Variants in PTPN13 observed in about 807,000 individuals in gnomAD.
PTPN13 encodes protein tyrosine phosphatase non-receptor type 13, also known as tyrosine-protein phosphatase non-receptor type 13.
A neutral mutation model predicts 284.0 loss-of-function variants in PTPN13; 191 were observed. That is an observed-to-expected ratio of 0.67 (90% CI 0.60 to 0.76). The LOEUF is 0.76. Ranked by LOEUF, PTPN13 falls within the 30% of genes least tolerant of loss-of-function variation. The probability of loss-of-function intolerance (pLI) is 0.00; values close to 1 mark genes in which losing one functional copy is unlikely to be tolerated. For synonymous variants in PTPN13, 986 were observed against 1,022.3 expected, an observed-to-expected ratio of 0.96 and a Z score of 0.68; for missense variants, 2,797 against 2,939.9, an observed-to-expected ratio of 0.95 and a Z score of 1.12.
Position 86,782,245 on chromosome 4 carries a change from A to G in PTPN13, c.6007A>G (p.Asn2003Asp). ...TTGCAGCCAGCCTGCCCTCACTCCT[A>G]ATGATTCATTCTCCACGGTAAGAAA... Reference protein sequence around the residue: ...GSCSQPALTPNDSFSTVAGEE... With the variant: ...GSCSQPALTPDDSFSTVAGEE... The change falls in exon 37 of 48, where the codon AAT (asparagine) becomes GAT (aspartate). Residue 2003 changes from asparagine to aspartate, a missense_variant. Asn to Asp is a conservative substitution (Grantham distance 23, BLOSUM62 1). Transcript: ENST00000411767. 6.2e-7 allele frequency: 1 copy of G among 1,607,588 alleles called. No individual in the cohort carries two copies. Among genetic ancestry groups the G allele is most frequent in the African/African-American group, 1.3e-5 (1 of 74,824 alleles).
chr4:86,620,372 C>T (rs1721077623), intron 1 of PTPN13, among the ~76,000 whole-genome samples: 2 of 152,092 alleles, frequency 1.3e-5, no homozygotes, highest in African/African-American at 2.4e-5. Context: ...ACCATGTTGT[C>T]CAGGCTGGAC....
rs543911826 is a variant in PTPN13 at position 86,786,101 on chromosome 4, C to T, written c.6345+165C>T. ...GTGTTACATTAAAGTGTCATCCTATCCTAGTGAAAGAATCATTACACAAAT... is the reference window on the plus strand; with the variant it reads ...GTGTTACATTAAAGTGTCATCCTATTCTAGTGAAAGAATCATTACACAAAT... On this transcript the variant is annotated intron_variant, in intron 40 of 47. Transcript: ENST00000411767. Among the ~76,000 whole-genome samples, 4 of 151,602 alleles carry T rather than the reference C, an allele frequency of 2.6e-5. No individual in the cohort carries two copies. The East Asian group carries it at 5.8e-4, about 22-fold the overall frequency.
At chr4:86,789,355 G>C (rs1458348510) in intron 40 of PTPN13, among the ~76,000 whole-genome samples, 2 of 152,164 alleles carry the variant, frequency 1.3e-5, no homozygotes, top group Admixed American at 6.5e-5. Flanking sequence ...TCCATCACCT[G>C]AGGATAATCC....
rs184895789 is a variant in PTPN13 at position 86,625,293 on chromosome 4, T to G, written c.-5-9959T>G. Among the ~76,000 whole-genome samples the G allele has an allele frequency of 1.7e-4, 26 of 152,126 alleles. No homozygotes were observed. The East Asian group carries it at 4.8e-3, about 28-fold the overall frequency. On this transcript the variant is annotated intron_variant, in intron 1 of 47. Coordinates refer to ENST00000411767, the MANE Select transcript of PTPN13 (RefSeq NM_080683.3). ...TGAATACCTCCTACTGTTTCTTGTCTCTCTCTTAATACAGGTTATTTCCCC... is the reference window on the plus strand; with the variant it reads ...TGAATACCTCCTACTGTTTCTTGTCGCTCTCTTAATACAGGTTATTTCCCC...
chr4:86,771,881 A>T (rs1157970967), intron 31 of PTPN13, among the ~76,000 whole-genome samples: 2 of 152,206 alleles, frequency 1.3e-5, no homozygotes, highest in East Asian at 3.8e-4. Flanking sequence ...AGAAATATAG[A>T]GGGGAGATAA....
intron 1 of PTPN13, among the ~76,000 whole-genome samples, chr4:86,631,718 CCG>C (rs1429196310): frequency 2.0e-5 from 3 of 151,756 alleles, no homozygotes; most frequent in African/African-American, 7.3e-5. Flanking sequence ...TAATTCGTAC[CCG>C]ATTCAATCAA....
chr4:86,638,093 A>G (rs1276999949), intron 2 of PTPN13, among the ~76,000 whole-genome samples: 1 of 152,224 alleles, frequency 6.6e-6, no homozygotes, highest in African/African-American at 2.4e-5. Context: ...TTCAAAGAGA[A>G]TAAAATACTT....
At chr4:86,670,582 A>C (rs1727621816) in intron 2 of PTPN13, among the ~76,000 whole-genome samples, 1 of 151,808 alleles carries the variant, frequency 6.6e-6, no homozygotes, top group African/African-American at 2.4e-5. Flanking sequence ...TATTGCCACC[A>C]CTGTGCTTAT....
intron 7 of PTPN13, among the ~76,000 whole-genome samples, chr4:86,715,789 T>C (rs1732947815): frequency 6.6e-6 from 1 of 152,114 alleles, no homozygotes. Flanking sequence ...AGAAAGGGGA[T>C]TTAGGAGACA....
At chr4:86,662,516 G>C (rs748784802) in intron 2 of PTPN13, among the ~76,000 whole-genome samples, 15 of 152,090 alleles carry the variant, frequency 9.9e-5, no homozygotes, top group Non-Finnish European at 1.5e-4. Flanking sequence ...AATTTTAGTA[G>C]AGATGGGATT....
intron 2 of PTPN13, among the ~76,000 whole-genome samples, chr4:86,644,325 A>G (rs1724163629): frequency 6.6e-6 from 1 of 152,064 alleles, no homozygotes; most frequent in South Asian, 2.1e-4. Flanking sequence ...TTTTTAGTAG[A>G]GATGGAATTT....
At chr4:86,602,504 G>A (rs1360310307) in intron 1 of PTPN13, among the ~76,000 whole-genome samples, 4 of 151,914 alleles carry the variant, frequency 2.6e-5, no homozygotes, top group East Asian at 1.9e-4. Flanking sequence ...CACGGTACAG[G>A]TAATATATGA....
intron 22 of PTPN13, 31 bp from the exon 23 acceptor site, chr4:86,758,911 G>T (rs759104038): frequency 1.0e-5 from 16 of 1,600,750 alleles, no homozygotes; most frequent in Non-Finnish European, 1.3e-5. Flanking sequence ...TATCTTTGTT[G>T]TTGAAAATAC....
intron 1 of PTPN13, among the ~76,000 whole-genome samples, chr4:86,600,237 G>T (rs919329987): frequency 2.6e-5 from 4 of 151,930 alleles, no homozygotes; most frequent in Non-Finnish European, 5.9e-5. Context: ...TTGCCACTTG[G>T]TAACTACTGA....
intron 35 of PTPN13, among the ~76,000 whole-genome samples, chr4:86,779,520 C>A (rs1029894248): frequency 1.3e-5 from 2 of 152,020 alleles, no homozygotes; most frequent in Non-Finnish European, 2.9e-5. Flanking sequence ...TGGGAACCCA[C>A]CATTTTGTAG....
At chr4:86,732,031 T>C (rs72665789) in intron 10 of PTPN13, among the ~76,000 whole-genome samples, 2 of 152,350 alleles carry the variant, frequency 1.3e-5, no homozygotes, top group Non-Finnish European at 2.9e-5. Context: ...CAAATACTTA[T>C]ATGAGCTTTA....
rs377333353 is a variant in PTPN13 at position 86,631,558 on chromosome 4, A to G, written c.-5-3694A>G. ...CAAAGCTGTAAATTAAAAATATTAA[A>G]TCTATTCTGATAGCTTGATGATAAC... On this transcript the variant is annotated intron_variant, in intron 1 of 47. Transcript: ENST00000411767. 7.2e-4 allele frequency among the ~76,000 whole-genome samples: 110 copies of G among 152,274 alleles called. 2 individuals are homozygous for G. The South Asian group carries it at 0.023, about 31-fold the overall frequency.
intron 5 of PTPN13, 60 bp downstream of exon 5, chr4:86,689,250 A>C: frequency 6.9e-7 from 1 of 1,449,670 alleles, no homozygotes; most frequent in Non-Finnish European, 9.5e-7. Context: ...GATATCACAA[A>C]ATTTTCTTTA....
chr4:86,785,472 C>T, intron 39 of PTPN13, 104 bp downstream of exon 39: 1 of 989,630 alleles, frequency 1.0e-6, no homozygotes, highest in South Asian at 2.0e-5. Flanking sequence ...TCTTCTGTTC[C>T]TCATTCATGT....
Sources: allele counts gnomAD v4.1 joint callset (sites outside exome capture counted in the v4.1 genomes callset), GRCh38; gene constraint gnomAD v4.1.1; transcripts MANE v1.5; gene names NCBI Gene and HGNC (gene_info 2026-07-23, HGNC 2026-07-21).